Variants in PPL observed in about 807,000 individuals in gnomAD.
PPL encodes 190 kDa paraneoplastic pemphigus antigen.
PPL carries 198 observed loss-of-function variants against 194.4 expected under a neutral mutation model. That is an observed-to-expected ratio of 1.02 (90% CI 0.91 to 1.15). The LOEUF is 1.15. PPL is among the 50% of genes most tolerant of loss of function. The pLI is 0.00. For synonymous variants in PPL, 1,220 were observed against 972.4 expected (o/e 1.25, Z -4.74); for missense variants, 2,885 against 2,294.8 (o/e 1.26, Z -5.25).
intron 18 of PPL, among the ~76,000 whole-genome samples, 191 bp downstream of exon 18, chr16:4,889,993 C>T (rs891835431): frequency 1.3e-5 from 2 of 152,218 alleles, no homozygotes; most frequent in Non-Finnish European, 2.9e-5. Flanking sequence ...GAGAGGTGAG[C>T]GACACACTCG....
In PPL at chr16:4,894,524, G is replaced by A. The variant is rs780103754; in HGVS notation, c.1337C>T (p.Pro446Leu). The A allele has an allele frequency of 1.1e-5, 18 of 1,613,930 alleles. No homozygotes were observed. In the East Asian group the frequency reaches 1.6e-4, roughly 14 times the overall value. The change falls in exon 12 of 22, where the codon CCG becomes CTG. Residue 446 changes from proline (P) to leucine (L), a missense_variant. Transcript: ENST00000345988. ...MDSAGNKLIA[P>L]AVCFVIPPTD... ...GGGGGGGATCACAAAACACACGGCC[G>A]GAGCAATCAGCTTGTTCCCAGCGCT... is the stretch of plus-strand genomic sequence containing the variant.
rs372137889 is a variant in PPL, at chr16:4,884,147, T to C, written c.4508A>G (p.Glu1503Gly). Residue 1503 changes from glutamate (E) to glycine (G), a missense_variant, in exon 22 of 22, where the codon GAG becomes GGG. By Grantham distance (98) the Glu-to-Gly change is moderately conservative (BLOSUM62 -2). Coordinates refer to ENST00000345988, the MANE Select transcript of PPL (RefSeq NM_002705.5). The surrounding 1 kb of genome is among the most constrained non-coding windows in gnomAD (Gnocchi z 5.7). ...AEVKEKVVLS[E>G]SVQVEKGDTE... ...GTCGCCCTTCTCCACCTGGACACTC[T>C]CGGAGAGCACCACCTTCTCCTTGAC... The C allele has an allele frequency of 1.4e-5, 23 of 1,613,810 alleles. No individual in the cohort carries two copies. Among genetic ancestry groups the C allele is most frequent in the Non-Finnish European group, 1.9e-5 (23 of 1,180,014 alleles).
chr16:4,883,978 G>T lies in PPL; in HGVS notation c.4677C>A (p.Asp1559Glu). 1 of 1,614,112 alleles carries T rather than the reference G, an allele frequency of 6.2e-7. No homozygotes were observed. The highest frequency in any genetic ancestry group is 8.5e-7 in the Non-Finnish European group (1 of 1,180,024). ...ATTTGTGGTTCTCTTCCCTCAGAAA[G>T]TCTAGTTCCTTGGATGACTTGGAGT... is the stretch of plus-strand genomic sequence containing the variant. ...FHNSKSSKEL[D>E]FLREENHKLQ... Residue 1559 changes from aspartate (D) to glutamate (E), a missense_variant, in exon 22 of 22, where the codon GAC becomes GAA. Coordinates refer to ENST00000345988, the MANE Select transcript of PPL (RefSeq NM_002705.5). This position sits in a 1 kb window ranked among gnomAD's most constrained non-coding sequence, Gnocchi z 4.8.
At position 4,887,138 on chromosome 16, in the gene PPL, T is replaced by C. The variant is rs1369235985; in HGVS notation, c.2604A>G (p.Arg868=). 1.2e-6 allele frequency: 2 copies of C among 1,610,622 alleles called. No homozygotes were observed. The highest frequency in any genetic ancestry group is 1.7e-6 in the Non-Finnish European group (2 of 1,176,824). The change falls in exon 21 of 22, where the codon AGA becomes AGG. Residue 868 remains arginine, a synonymous_variant. Coordinates refer to ENST00000345988, the MANE Select transcript of PPL (RefSeq NM_002705.5). ...ATTTCTTACTAAGATCAGTTACCTG[T>C]CTGAGGAGATTCAGAGCAAACTCCA... ...QNLEFALNLL[R]QQPEVEVTHE...
At position 4,884,335 on chromosome 16, in the gene PPL, C is replaced by T; in HGVS notation, c.4320G>A (p.Lys1440=). ...GCACCACCTTCTGCGTATGGGTTACCTTCTCACGGGCCTCAGCTTCTTCCT... is the reference window on the plus strand; with the variant it reads ...GCACCACCTTCTGCGTATGGGTTACTTTCTCACGGGCCTCAGCTTCTTCCT... ...LEQEEAEARE[K]VTHTQKVVLQ... The change falls in exon 22 of 22, where the codon AAG becomes AAA. Residue 1440 remains lysine (K), a synonymous_variant. Transcript: ENST00000345988. The surrounding 1 kb of genome is among the most constrained non-coding windows in gnomAD (Gnocchi z 5.7). 6.2e-7 allele frequency: 1 copy of T among 1,613,010 alleles called. No individual in the cohort carries two copies. The highest frequency in any genetic ancestry group is 8.5e-7 in the Non-Finnish European group (1 of 1,179,774).
In PPL at chr16:4,902,594, C is replaced by A. The variant is rs2088598146; in HGVS notation, c.318-68G>T. The A allele has an allele frequency of 1.3e-6, 2 of 1,565,412 alleles. No individual in the cohort carries two copies. On this transcript the variant is annotated intron_variant, in intron 3 of 21. Coordinates refer to ENST00000345988, the MANE Select transcript of PPL (RefSeq NM_002705.5). This position sits in a 1 kb window ranked among gnomAD's most constrained non-coding sequence, Gnocchi z 4.0. The stretch of plus-strand genomic sequence containing the variant: ...TGCCTGCACCCCAGGAGGGGCCCCC[C>A]ACCCAGACCCCGGCCTCAGTGTCCT...
rs766458433 is a variant in PPL at position 4,895,758 on chromosome 16, G to T, written c.973-42C>A. ...CTCTGTTACAGCCAGGAAACCACTA[G>T]AAGCACCTGGGCTTCTGTCGGAGGC... is the stretch of plus-strand genomic sequence containing the variant. On this transcript the variant is annotated intron_variant, in intron 9 of 21. Transcript: ENST00000345988. 5.0e-6 allele frequency: 8 copies of T among 1,612,826 alleles called. No individual in the cohort carries two copies. The South Asian group carries it at 8.8e-5, about 18-fold the overall frequency.
intron 2 of PPL, among the ~76,000 whole-genome samples, chr16:4,908,953 C>T (rs572378919): frequency 2.0e-5 from 3 of 152,200 alleles, no homozygotes; most frequent in Non-Finnish European, 4.4e-5. Flanking sequence ...AAGATGTTTT[C>T]CATTTAAGAA....
chr16:4,925,920 T>G (rs2089147032), intron 1 of PPL, among the ~76,000 whole-genome samples: 1 of 152,170 alleles, frequency 6.6e-6, no homozygotes, highest in Admixed American at 6.5e-5. Flanking sequence ...TACAGTTTGT[T>G]GTCATTTTCA....
intron 1 of PPL, among the ~76,000 whole-genome samples, chr16:4,911,580 G>A (rs1028469517): frequency 6.6e-5 from 10 of 152,198 alleles, no homozygotes; most frequent in Non-Finnish European, 1.5e-4. Flanking sequence ...TCTTGCCCAG[G>A]CTGGGGTGTA....
rs2088197831 is a variant in PPL at position 4,885,393 on chromosome 16, C to T, written c.3262G>A (p.Glu1088Lys). The T allele has an allele frequency of 6.2e-7, 1 of 1,612,976 alleles. No homozygotes were observed. Among genetic ancestry groups the T allele is most frequent in the Non-Finnish European group, 8.5e-7 (1 of 1,180,010 alleles). Residue 1088 changes from glutamate to lysine, a missense_variant, in exon 22 of 22, where the codon GAG becomes AAG. Coordinates refer to ENST00000345988, the MANE Select transcript of PPL (RefSeq NM_002705.5). The surrounding 1 kb of genome is among the most constrained non-coding windows in gnomAD (Gnocchi z 6.3). ...QRQDQLREKQ[E>K]EELSFLQDKL... ...TCCTGGAGGAAGCTCAGCTCCTCCT[C>T]CTGCTTCTCCCTGAGCTGGTCCTGG...
intron 12 of PPL, 92 bp downstream of exon 12, chr16:4,894,375 G>C: frequency 7.3e-6 from 11 of 1,516,788 alleles, no homozygotes; most frequent in Non-Finnish European, 9.8e-6. Context: ...GCTCCCCACA[G>C]GCTGAGTCCA....
Position 4,902,025 on chromosome 16 carries a change from G to A in PPL, c.438+381C>T, listed in dbSNP as rs1393193296. On this transcript the variant is annotated intron_variant, in intron 4 of 21. Coordinates refer to ENST00000345988, the MANE Select transcript of PPL (RefSeq NM_002705.5). The surrounding 1 kb of genome is among the most constrained non-coding windows in gnomAD (Gnocchi z 4.0). ...GAACCCGGGACACCTAGCTGCAGTG[G>A]CTGTGTGCTTCTCTGTGGTGAGCAC... is the stretch of plus-strand genomic sequence containing the variant. Among the ~76,000 whole-genome samples, 2 of 152,218 alleles carry A rather than the reference G, an allele frequency of 1.3e-5. No homozygotes were observed. The highest frequency in any genetic ancestry group is 2.9e-5 in the Non-Finnish European group (2 of 68,040).
At chr16:4,892,268 G>A in intron 14 of PPL, 55 bp from the exon 15 acceptor site, 2 of 1,559,964 alleles carry the variant, frequency 1.3e-6, no homozygotes, top group South Asian at 1.2e-5. Context: ...CCCTTCCCCT[G>A]AGGATGTGCC....
At position 4,900,841 on chromosome 16, in the gene PPL, G is replaced by A; in HGVS notation, c.595C>T (p.Gln199Ter). 1.9e-6 allele frequency: 3 copies of A among 1,614,106 alleles called. No homozygotes were observed. Among genetic ancestry groups the A allele is most frequent in the Non-Finnish European group, 2.5e-6 (3 of 1,180,020 alleles). Reference protein sequence around the residue: ...EQNSELRAKYQKLLAASQARQ... With the variant: ...EQNSELRAKY ...AGGGAGCTCCTCACCAGCAGTTTCT[G>A]GTACTTGGCCCGGAGTTCGCTGTTC... The change falls in exon 6 of 22, where the codon CAG (glutamine) becomes TAG (stop). Residue 199 changes from glutamine (Q) to a stop codon, truncating the protein, a stop_gained. Coordinates refer to ENST00000345988, the MANE Select transcript of PPL (RefSeq NM_002705.5). LOFTEE classifies it high-confidence loss of function.
At chr16:4,913,116 C>A (rs2088852927) in intron 1 of PPL, among the ~76,000 whole-genome samples, 1 of 150,982 alleles carries the variant, frequency 6.6e-6, no homozygotes, top group Admixed American at 6.6e-5. Context: ...AAAAAAAAAA[C>A]AAGAAAAGAA....
chr16:4,915,627 T>C (rs1251417945), intron 1 of PPL, among the ~76,000 whole-genome samples: 1 of 152,190 alleles, frequency 6.6e-6, no homozygotes, highest in Non-Finnish European at 1.5e-5. Context: ...TCCAGAGGCA[T>C]GTGATCGACT....
chr16:4,899,426 G>T, intron 6 of PPL, 42 bp from the exon 7 acceptor site: 1 of 1,301,130 alleles, frequency 7.7e-7, no homozygotes. Flanking sequence ...TCCTCAGCCC[G>T]CTGCCACTGC....
rs1461264402 is a variant in PPL at position 4,893,212 on chromosome 16, C to T, written c.1650+1G>A. On this transcript the variant is annotated splice_donor_variant, in intron 14 of 21. Transcript: ENST00000345988. LOFTEE classifies it high-confidence loss of function. ...CACCTGTGCTCCTGACCCGCAGGTA[C>T]CTTGAGGTCCTTGGCCCGCTCGGCA... 4.5e-6 allele frequency: 7 copies of T among 1,557,714 alleles called. No homozygotes were observed. In the Admixed American group the frequency reaches 9.1e-5, roughly 20 times the overall value.
Sources: gnomAD v4.1 joint callset for allele counts (sites outside exome capture counted in the v4.1 genomes callset) on GRCh38, gnomAD v4.1.1 for gene constraint, Gnocchi (gnomAD v3.1) non-coding constraint, MANE v1.5 for transcripts, NCBI Gene and HGNC (gene_info 2026-07-23, HGNC 2026-07-21) for gene names.